PARP4: variants seen among roughly 807,000 people sequenced by gnomAD.
The protein encoded by PARP4 is protein mono-ADP-ribosyltransferase PARP4.
Under a neutral mutation model 187.7 loss-of-function variants are expected in PARP4, and 120 were observed. That is an observed-to-expected ratio of 0.64 (90% CI 0.55 to 0.74). PARP4 has a LOEUF of 0.74. PARP4 is among the 30% of genes least tolerant of loss of function. The pLI, the probability that PARP4 is intolerant of heterozygous loss-of-function variation, is 0.00. For missense variants in PARP4, 1,836 were observed against 2,070.5 expected (o/e 0.89, Z 2.20); for synonymous variants, 654 against 740.9 (o/e 0.88, Z 1.90).
chr13:24,505,475 T>A (rs976874506), intron 1 of PARP4, among the ~76,000 whole-genome samples: 6 of 152,126 alleles, frequency 3.9e-5, no homozygotes, highest in African/African-American at 1.4e-4. Flanking sequence ...AGAGGGAAGT[T>A]TCTTCAGATA....
chr13:24,502,328 C>T (rs1257274629), intron 2 of PARP4, among the ~76,000 whole-genome samples: 3 of 152,170 alleles, frequency 2.0e-5, no homozygotes, highest in South Asian at 2.1e-4. Context: ...CCAACATGCC[C>T]GCTTATAATT....
At chr13:24,504,775 C>G (rs868288999) in intron 1 of PARP4, among the ~76,000 whole-genome samples, 1 of 151,834 alleles carries the variant, frequency 6.6e-6, no homozygotes, top group African/African-American at 2.4e-5. Flanking sequence ...CTTACTGCAA[C>G]CTCCACCTCC....
At chr13:24,477,126 T>C in intron 14 of PARP4, among the ~76,000 whole-genome samples, 1 of 152,204 alleles carries the variant, frequency 6.6e-6, no homozygotes, top group South Asian at 2.1e-4. Flanking sequence ...TCAACTTCAG[T>C]GTGTTAATGA....
At chr13:24,477,374 T>C (rs915261312) in intron 14 of PARP4, among the ~76,000 whole-genome samples, 1 of 152,018 alleles carries the variant, frequency 6.6e-6, no homozygotes, top group Non-Finnish European at 1.5e-5. Context: ...AGGAGGATCA[T>C]TTGAAACCCA....
intron 25 of PARP4, 95 bp from the exon 26 acceptor site, chr13:24,447,281 A>G: frequency 1.3e-6 from 1 of 780,166 alleles, no homozygotes; most frequent in Non-Finnish European, 1.7e-6. Context: ...ATCCTTTGGG[A>G]ATTTTATAAC....
At chr13:24,455,590 T>A (rs1871792378) in intron 21 of PARP4, among the ~76,000 whole-genome samples, 1 of 147,864 alleles carries the variant, frequency 6.8e-6, no homozygotes, top group Non-Finnish European at 1.5e-5. Context: ...TTAACCAATA[T>A]TTAACTACTA....
In PARP4 at chr13:24,435,307, A is replaced by G. The variant is rs1463655432; in HGVS notation, c.3834T>C (p.Arg1278=). The change falls in exon 31 of 34, where the codon CGT becomes CGC. Residue 1278 remains arginine (R), a synonymous_variant. Transcript: ENST00000381989. ...VLPAFTSNLE[R]GGVEKLLDLS... ...AATCCAATAGCTTTTCCACACCTCC[A>G]CGTTCCAAATTTGATGTGAAAGCTG... 1 of 1,612,726 alleles carries G rather than the reference A, an allele frequency of 6.2e-7. No individual in the cohort carries two copies. The highest frequency in any genetic ancestry group is 8.5e-7 in the Non-Finnish European group (1 of 1,179,880).
intron 2 of PARP4, among the ~76,000 whole-genome samples, chr13:24,502,988 G>A (rs1370901624): frequency 6.6e-6 from 1 of 152,216 alleles, no homozygotes; most frequent in Admixed American, 6.5e-5. Context: ...AACAGCAGAG[G>A]ACAGGGGCAG....
At chr13:24,433,872 C>A (rs554238952) in intron 31 of PARP4, among the ~76,000 whole-genome samples, 2 of 152,364 alleles carry the variant, frequency 1.3e-5, no homozygotes, top group African/African-American at 4.8e-5. Flanking sequence ...GGTCTTAGTA[C>A]CAGCGATGGG....
intron 18 of PARP4, chr13:24,459,542 C>T (rs1872082747): frequency 4.7e-6 from 1 of 211,340 alleles, no homozygotes. Context: ...TACACACACA[C>T]ACACGCACAC....
chr13:24,506,659 G>A (rs1869704512), intron 1 of PARP4, among the ~76,000 whole-genome samples: 1 of 152,112 alleles, frequency 6.6e-6, no homozygotes, highest in Admixed American at 6.5e-5. Context: ...TACAAACCTT[G>A]AGCTAGACAC....
chr13:24,443,147 T>C (rs7998843), intron 28 of PARP4, among the ~76,000 whole-genome samples: 46,113 of 131,812 alleles, frequency 0.35, 8,705 homozygotes, highest in African/African-American at 0.4. Context: ...AGGACTAACG[T>C]TCACAGCCTT....
chr13:24,484,381 T>C (rs1287891367), intron 12 of PARP4, among the ~76,000 whole-genome samples: 3 of 151,986 alleles, frequency 2.0e-5, no homozygotes, highest in Admixed American at 1.3e-4. Flanking sequence ...CTATGCTGCA[T>C]AGGCTGGTCT....
In PARP4 at chr13:24,459,069, C is replaced by A. The variant is rs1566000799; in HGVS notation, c.2399G>T (p.Ser800Ile). 1 of 1,609,498 alleles carries A rather than the reference C, an allele frequency of 6.2e-7. No homozygotes were observed. Among genetic ancestry groups the A allele is most frequent in the Non-Finnish European group, 8.5e-7 (1 of 1,176,654 alleles). ...CTTTTGTTTCAGTTCATGTGTATCA[C>A]TGAAAATGAATTCAATCACATACGG... ...EMPYVIEFIF[S>I]DTHELKQKRT... The change falls in exon 20 of 34, where the codon AGT (serine) becomes ATT (isoleucine). Residue 800 changes from serine (S) to isoleucine (I), a missense_variant. Ser to Ile is a moderately radical substitution (Grantham distance 142, BLOSUM62 -2). Transcript: ENST00000381989.
chr13:24,495,659 G>A (rs1868903693), intron 6 of PARP4, among the ~76,000 whole-genome samples: 1 of 152,190 alleles, frequency 6.6e-6, no homozygotes, highest in Non-Finnish European at 1.5e-5. Flanking sequence ...TGGTGTCCTT[G>A]TAGGTGTTGG....
chr13:24,511,438 C>T (rs1011648279), intron 1 of PARP4, among the ~76,000 whole-genome samples: 1 of 152,186 alleles, frequency 6.6e-6, no homozygotes, highest in Non-Finnish European at 1.5e-5. Flanking sequence ...CAGCCTGTCC[C>T]CCTTCCCAGC....
At chr13:24,510,326 G>A (rs879626488) in intron 1 of PARP4, among the ~76,000 whole-genome samples, 4 of 151,940 alleles carry the variant, frequency 2.6e-5, no homozygotes, top group Admixed American at 6.5e-5. Context: ...AGGCCGAGGC[G>A]GGCGGATCAC....
intron 1 of PARP4, among the ~76,000 whole-genome samples, chr13:24,504,982 A>C (rs1869531045): frequency 6.9e-6 from 1 of 145,248 alleles, no homozygotes. Context: ...GGCATGAGCC[A>C]CCGCACCTGG....
chr13:24,499,954 T>G (rs1405636992), intron 4 of PARP4, among the ~76,000 whole-genome samples: 1 of 152,168 alleles, frequency 6.6e-6, no homozygotes, highest in African/African-American at 2.4e-5. Flanking sequence ...GCTGTTGTTA[T>G]TTCCATTTTT....
Sources: gnomAD v4.1 joint callset for allele counts (sites outside exome capture counted in the v4.1 genomes callset) on GRCh38, gnomAD v4.1.1 for gene constraint, MANE v1.5 for transcripts, NCBI Gene and HGNC (gene_info 2026-07-23, HGNC 2026-07-21) for gene names.